The following CBR3 variants were observed in gnomAD, a reference collection of about 807,000 sequenced individuals.
CBR3 encodes the protein carbonyl reductase [NADPH] 3.
CBR3 carries 14 observed loss-of-function variants against 11.6 expected under a neutral mutation model. The ratio of observed to expected loss-of-function variants is 1.20; its 90% CI spans 0.79 to 1.88. The LOEUF is 1.88. Ranked by LOEUF, CBR3 falls within the 40% of genes most tolerant of loss-of-function variation. The pLI, the probability that CBR3 is intolerant of heterozygous loss-of-function variation, is 0.00. For missense variants in CBR3, 308 were observed against 357.3 expected (o/e 0.86, Z 1.11); for synonymous variants, 125 against 145.6 (o/e 0.86, Z 1.02).
chr21:36,144,439 CA>C lies in CBR3; in HGVS notation c.398-1633del, dbSNP rs879257651. Among the ~76,000 whole-genome samples the C allele has an allele frequency of 3.5e-3, 529 of 151,120 alleles. 8 individuals are homozygous for C. Among genetic ancestry groups the C allele is most frequent in the Non-Finnish European group, 3.1e-3 (210 of 67,862 alleles). The stretch of plus-strand genomic sequence containing the variant: ...TGCCACTGCACTGCAGCCTAGGCAA[CA>C]AAACAAGACTGTCTCACAAAACAAA... On this transcript the variant is annotated intron_variant, in intron 2 of 2. Coordinates refer to ENST00000290354, the MANE Select transcript of CBR3 (RefSeq NM_001236.4).
chr21:36,139,880 C>CTT (rs2065694745), intron 2 of CBR3, among the ~76,000 whole-genome samples: 1 of 77,488 alleles, frequency 1.3e-5, no homozygotes, highest in Non-Finnish European at 2.7e-5. Context: ...GGATGCAAAA[C>CTT]CTTTTTTTTT....
At chr21:36,138,725 TTTTC>T (rs989329050) in intron 2 of CBR3, 12 of 142,612 alleles carry the variant, frequency 8.4e-5, no homozygotes, top group African/African-American at 3.1e-4. Context: ...AGAAATTTTC[TTTTC>T]TTTTTTTTTC....
chr21:36,137,905 G>C lies in CBR3; in HGVS notation c.370G>C (p.Glu124Gln). The C allele has an allele frequency of 1.2e-6, 2 of 1,607,502 alleles. No individual in the cohort carries two copies. The highest frequency in any genetic ancestry group is 2.2e-5 in the East Asian group (1 of 44,842). ...TTTTGCCACTAGAAACATGTGCAAC[G>C]AGTTACTGCCGATAATGAAACCTCA... ...NFFATRNMCNELLPIMKPHGR... is the reference protein window; with the variant it reads ...NFFATRNMCNQLLPIMKPHGR... Residue 124 changes from glutamate to glutamine, a missense_variant, in exon 2 of 3, where the codon GAG (glutamate) becomes CAG (glutamine). Glu to Gln is a conservative substitution (Grantham distance 29). Coordinates refer to ENST00000290354, the MANE Select transcript of CBR3 (RefSeq NM_001236.4).
At chr21:36,137,493 GA>G (rs533229182) in intron 1 of CBR3, 332 of 193,256 alleles carry the variant, frequency 1.7e-3, no homozygotes, top group Middle Eastern at 0.015. Flanking sequence ...AGAAAGAAAA[GA>G]AAAGAAAGAA....
At position 36,137,899 on chromosome 21, in the gene CBR3, T is replaced by A. The variant is rs146500734; in HGVS notation, c.364T>A (p.Cys122Ser). 15 of 1,609,530 alleles carry A rather than the reference T, an allele frequency of 9.3e-6. No individual in the cohort carries two copies. Among genetic ancestry groups the A allele is most frequent in the Middle Eastern group, 1.6e-4 (1 of 6,074 alleles). The change falls in exon 2 of 3, where the codon TGC becomes AGC. Residue 122 changes from cysteine to serine, a missense_variant. Physicochemically the swap from Cys to Ser is moderately radical, Grantham distance 112 (BLOSUM62 -1). Transcript: ENST00000290354. ...KTNFFATRNM[C>S]NELLPIMKPH... ...AAATTTTTTTGCCACTAGAAACATG[T>A]GCAACGAGTTACTGCCGATAATGAA...
At chr21:36,145,960 CAA>C (rs367940562) in intron 2 of CBR3, 114 bp from the exon 3 acceptor site, 35,297 of 440,454 alleles carry the variant, frequency 0.08, 101 homozygotes, top group Non-Finnish European at 0.087. Context: ...GACTCTGTCT[CAA>C]AAAAAAAAAA....
intron 2 of CBR3, among the ~76,000 whole-genome samples, chr21:36,143,310 A>T (rs1418651858): frequency 6.6e-6 from 1 of 152,112 alleles, no homozygotes; most frequent in Non-Finnish European, 1.5e-5. Flanking sequence ...TCAAAGAAAA[A>T]AAAAAAGACC....
intron 1 of CBR3, 129 bp downstream of exon 1, chr21:36,135,610 GC>G: frequency 1.2e-6 from 1 of 848,422 alleles, no homozygotes; most frequent in Non-Finnish European, 1.7e-6. Context: ...GATGCGCTCA[GC>G]CCACGCCTCC....
Position 36,135,210 on chromosome 21 carries a change from C to T in CBR3, c.18C>T (p.Arg6=). The T allele has an allele frequency of 1.3e-6, 2 of 1,510,092 alleles. No individual in the cohort carries two copies. Among genetic ancestry groups the T allele is most frequent in the Non-Finnish European group, 1.8e-6 (2 of 1,130,066 alleles). 93.5% of individuals were successfully genotyped at this position (1,510,092 alleles called of 1,614,324 possible). MSSCS[R]VALVTGANRG... is the part of the protein sequence containing the mutation. Reference sequence around the variant, plus strand: ...GCTCAGCCATGTCGTCCTGCAGCCGCGTGGCGCTGGTGACCGGGGCCAACA... The same window carrying T: ...GCTCAGCCATGTCGTCCTGCAGCCGTGTGGCGCTGGTGACCGGGGCCAACA... Residue 6 remains arginine (R), a synonymous_variant, in exon 1 of 3, where the codon CGC becomes CGT. Transcript: ENST00000290354.
chr21:36,137,153 G>C (rs1254342954), intron 1 of CBR3: 1 of 151,868 alleles, frequency 6.6e-6, no homozygotes, highest in East Asian at 1.9e-4. Context: ...CTGGAGACCA[G>C]TAGCTGTCAC....
intron 2 of CBR3, among the ~76,000 whole-genome samples, chr21:36,140,135 C>T (rs376594432): frequency 1.2e-4 from 19 of 152,110 alleles, no homozygotes; most frequent in South Asian, 8.3e-4. Flanking sequence ...GTGATCCACC[C>T]GCCTTGGCCT....
intron 2 of CBR3, chr21:36,138,194 C>T: frequency 2.6e-6 from 1 of 388,632 alleles, no homozygotes. Context: ...GTTGTGCAGG[C>T]TGTAGTGCAA....
intron 2 of CBR3, among the ~76,000 whole-genome samples, chr21:36,140,293 G>A (rs1568980178): frequency 1.3e-5 from 2 of 152,074 alleles, no homozygotes; most frequent in African/African-American, 2.4e-5. Context: ...GAGAACTGCA[G>A]GTGCTTTGAA....
chr21:36,139,284 G>T (rs1321292677), intron 2 of CBR3, among the ~76,000 whole-genome samples: 1 of 152,070 alleles, frequency 6.6e-6, no homozygotes, highest in Non-Finnish European at 1.5e-5. Context: ...GCTGTGCTGG[G>T]GTACAGGGAA....
rs771652709 is a variant in CBR3 at position 36,137,876 on chromosome 21, A to T, written c.341A>T (p.Asn114Ile). The T allele has an allele frequency of 2.4e-5, 39 of 1,612,290 alleles. No individual in the cohort carries two copies. In the African/African-American group the frequency reaches 2.9e-4, roughly 12 times the overall value. The change falls in exon 2 of 3, where the codon AAT becomes ATT. Residue 114 changes from asparagine to isoleucine, a missense_variant. By Grantham distance (149) the Asn-to-Ile change is moderately radical. Transcript: ENST00000290354. ...AAAGCTGAGATGACACTGAAGACAA[A>T]TTTTTTTGCCACTAGAAACATGTGC... The part of the protein sequence containing the change: ...DIKAEMTLKT[N>I]FFATRNMCNE...
intron 1 of CBR3, chr21:36,137,135 A>C (rs1399405763): frequency 6.6e-6 from 1 of 151,798 alleles, no homozygotes; most frequent in Non-Finnish European, 1.5e-5. Flanking sequence ...AGTGTTCTCA[A>C]GGTGTGGCTG....
At chr21:36,145,984 T>A in intron 2 of CBR3, 92 bp from the exon 3 acceptor site, 45 of 659,590 alleles carry the variant, frequency 6.8e-5, no homozygotes, top group Non-Finnish European at 1.0e-4. Context: ...AAAAAAAACC[T>A]GCACCAAGAC....
chr21:36,137,027 CAAAAAAA>C (rs58754125), intron 1 of CBR3: 23,987 of 98,524 alleles, frequency 0.24, 2,651 homozygotes, highest in Middle Eastern at 0.31. Context: ...GACTCTGCCT[CAAAAAAA>C]AAAAAAAAAA....
intron 2 of CBR3, among the ~76,000 whole-genome samples, chr21:36,142,370 T>G (rs982514930): frequency 2.4e-5 from 3 of 125,512 alleles, no homozygotes; most frequent in Non-Finnish European, 4.7e-5. Context: ...AGGTGGAGCT[T>G]GCAGTGAGCC....
Sources: gnomAD v4.1 joint callset for allele counts (sites outside exome capture counted in the v4.1 genomes callset) on GRCh38, gnomAD v4.1.1 for gene constraint, MANE v1.5 for transcripts, NCBI Gene and HGNC (gene_info 2026-07-23, HGNC 2026-07-21) for gene names.